The following P2RY14 variants were observed in gnomAD, a reference collection of about 807,000 sequenced individuals.
The protein encoded by P2RY14 is P2Y purinoceptor 14.
P2RY14 carries 2 observed loss-of-function variants against 0.9 expected under a neutral mutation model. The observed-to-expected ratio is 2.16, with a 90% CI of 0.88 to 6.79. The LOEUF is 6.79. Ranked by LOEUF, P2RY14 falls within the 30% of genes most tolerant of loss-of-function variation. The pLI is 0.05. For synonymous variants in P2RY14, 158 were observed against 147.2 expected (o/e 1.07, Z -0.53); for missense variants, 378 against 400.1 (o/e 0.94, Z 0.47).
chr3:151,217,281 T>C (rs1577000306), intron 2 of P2RY14, among the ~76,000 whole-genome samples: 1 of 152,322 alleles, frequency 6.6e-6, no homozygotes, highest in East Asian at 1.9e-4. Flanking sequence ...TATAAAATTA[T>C]TTTCTCAGAG....
At chr3:151,247,898 A>C (rs1272451085) in intron 1 of P2RY14, among the ~76,000 whole-genome samples, 1 of 147,808 alleles carries the variant, frequency 6.8e-6, no homozygotes, top group Non-Finnish European at 1.5e-5. Flanking sequence ...CTTATAATGT[A>C]TTCAGAAGAC....
chr3:151,276,380 AAC>A (rs1224254927), intron 1 of P2RY14, among the ~76,000 whole-genome samples: 1 of 152,226 alleles, frequency 6.6e-6, no homozygotes, highest in Non-Finnish European at 1.5e-5. Flanking sequence ...AATTAAAGGA[AAC>A]ACTCCTTATT....
chr3:151,265,659 T>A (rs1739688821), intron 1 of P2RY14, among the ~76,000 whole-genome samples: 2 of 152,194 alleles, frequency 1.3e-5, no homozygotes, highest in South Asian at 4.1e-4. Flanking sequence ...GAGTAGGTTT[T>A]AAAATGTTTC....
chr3:151,265,522 A>G (rs1368050414), intron 1 of P2RY14, among the ~76,000 whole-genome samples: 3 of 152,138 alleles, frequency 2.0e-5, no homozygotes, highest in Admixed American at 1.3e-4. Context: ...CACTGCCATC[A>G]TCCTCCCTAT....
rs1727345667 is a variant in P2RY14 at position 151,212,574 on chromosome 3, A to G, written c.*726T>C. 1 of 152,116 alleles carries G rather than the reference A, an allele frequency of 6.6e-6. No individual in the cohort carries two copies. The allele number at this position is 152,116 out of a possible 1,614,324, so 9.4% of individuals were successfully genotyped here. On this transcript the variant is annotated 3_prime_UTR_variant, in exon 3 of 3. Transcript: ENST00000309170. ...TATTTAGTTTCTCTCAGTAAAGCCT[A>G]CTTAAAAATATTCTAACACCAGAAC...
At chr3:151,232,838 A>C (rs1731971303) in intron 1 of P2RY14, among the ~76,000 whole-genome samples, 1 of 152,118 alleles carries the variant, frequency 6.6e-6, no homozygotes, top group African/African-American at 2.4e-5. Context: ...TGGGTACTAG[A>C]CTTAGTACCT....
Position 151,213,884 on chromosome 3 carries a change from C to T in P2RY14, c.433G>A (p.Val145Ile), listed in dbSNP as rs528781113. The change falls in exon 3 of 3, where the codon GTA becomes ATA. Residue 145 changes from valine (V) to isoleucine (I), a missense_variant. Physicochemically the swap from Val to Ile is conservative, Grantham distance 29. Coordinates refer to ENST00000309170, the MANE Select transcript of P2RY14 (RefSeq NM_014879.4). ...VSYSKLLSVI[V>I]WMLMLLLAVP... Reference sequence around the variant, plus strand: ...GCAAGGAGGAGCATGAGCATCCATACTATCACTGACAGAAGTTTGCTGTAA... The same window carrying T: ...GCAAGGAGGAGCATGAGCATCCATATTATCACTGACAGAAGTTTGCTGTAA... The T allele has an allele frequency of 8.9e-5, 143 of 1,614,002 alleles. 1 individual carries two copies. The South Asian group carries it at 1.4e-3, about 16-fold the overall frequency.
At chr3:151,246,074 G>GA (rs1358935869) in intron 1 of P2RY14, among the ~76,000 whole-genome samples, 1 of 151,776 alleles carries the variant, frequency 6.6e-6, no homozygotes, top group African/African-American at 2.4e-5. Flanking sequence ...GGATGTGAAG[G>GA]AACTCTTCAA....
At chr3:151,267,059 A>C (rs572416514) in intron 1 of P2RY14, among the ~76,000 whole-genome samples, 69 of 152,334 alleles carry the variant, frequency 4.5e-4, no homozygotes, top group Middle Eastern at 6.8e-3. Flanking sequence ...CTAATTTAAA[A>C]TTGTCTGGGC....
chr3:151,214,158 A>G lies in P2RY14; in HGVS notation c.159T>C (p.Ser53=). 5 of 1,614,202 alleles carry G rather than the reference A, an allele frequency of 3.1e-6. No homozygotes were observed. Among genetic ancestry groups the G allele is most frequent in the Non-Finnish European group, 4.2e-6 (5 of 1,180,016 alleles). The part of the protein sequence containing the change: ...SGWIFFYVPS[S]KSFIIYLKNI... ...TCTTGAGATAGATGATGAAACTCTT[A>G]GAGCTGGGCACGTAAAAGAATATCC... Residue 53 remains serine (S), a synonymous_variant, in exon 3 of 3, where the codon TCT becomes TCC. Transcript: ENST00000309170.
rs147636524 is a variant in P2RY14, at chr3:151,243,503, A to G, written c.-132-23861T>C. On this transcript the variant is annotated intron_variant, in intron 1 of 2. Coordinates refer to ENST00000309170, the MANE Select transcript of P2RY14 (RefSeq NM_014879.4). Reference sequence around the variant, plus strand: ...AAGAATTTTCAACCTGGAATTTCATATCCAGCGAAACTAAGCTTCATAAGC... The same window carrying G: ...AAGAATTTTCAACCTGGAATTTCATGTCCAGCGAAACTAAGCTTCATAAGC... Among the ~76,000 whole-genome samples the G allele has an allele frequency of 5.7e-3, 870 of 152,334 alleles. 12 individuals carry two copies. The highest frequency in any genetic ancestry group is 0.02 in the African/African-American group (828 of 41,570).
At chr3:151,219,024 C>G (rs962470987) in intron 2 of P2RY14, among the ~76,000 whole-genome samples, 3 of 152,038 alleles carry the variant, frequency 2.0e-5, no homozygotes, top group African/African-American at 7.2e-5. Context: ...TGTCTACTGT[C>G]ACTTTGGAGA....
chr3:151,242,109 G>T (rs1734254155), intron 1 of P2RY14, among the ~76,000 whole-genome samples: 1 of 152,216 alleles, frequency 6.6e-6, no homozygotes, highest in Admixed American at 6.5e-5. Context: ...CCCGCACCTG[G>T]CTCGGAGGGT....
At chr3:151,267,774 A>G (rs554839134) in intron 1 of P2RY14, among the ~76,000 whole-genome samples, 1 of 152,200 alleles carries the variant, frequency 6.6e-6, no homozygotes, top group East Asian at 1.9e-4. Context: ...TGGTGTAGAA[A>G]CTTAGGCACT....
At chr3:151,230,960 T>C (rs1037891893) in intron 1 of P2RY14, among the ~76,000 whole-genome samples, 1 of 152,154 alleles carries the variant, frequency 6.6e-6, no homozygotes, top group African/African-American at 2.4e-5. Flanking sequence ...AGTTGTGACA[T>C]CTTTTGATCA....
intron 1 of P2RY14, among the ~76,000 whole-genome samples, chr3:151,247,684 T>C (rs1051596288): frequency 6.8e-5 from 10 of 146,508 alleles, no homozygotes; most frequent in African/African-American, 2.0e-4. Flanking sequence ...GTGGGTGCAG[T>C]GCACCAGCAT....
intron 1 of P2RY14, among the ~76,000 whole-genome samples, chr3:151,255,405 C>T (rs747316521): frequency 2.7e-5 from 4 of 149,412 alleles, no homozygotes; most frequent in South Asian, 2.1e-4. Flanking sequence ...GTAGAGTAGA[C>T]GGAAAGTCCA....
chr3:151,229,120 A>G (rs1202154061), intron 1 of P2RY14, among the ~76,000 whole-genome samples: 1 of 152,206 alleles, frequency 6.6e-6, no homozygotes, highest in African/African-American at 2.4e-5. Context: ...ATATAGCCAA[A>G]GGAAAAGAAT....
intron 1 of P2RY14, among the ~76,000 whole-genome samples, chr3:151,255,654 G>A (rs1439130213): frequency 6.6e-6 from 1 of 152,110 alleles, no homozygotes; most frequent in African/African-American, 2.4e-5. Flanking sequence ...GAAACCTTTG[G>A]CCATCTTAAG....
Sources: gnomAD v4.1 joint callset for allele counts (sites outside exome capture counted in the v4.1 genomes callset) on GRCh38, gnomAD v4.1.1 for gene constraint, MANE v1.5 for transcripts, NCBI Gene and HGNC (gene_info 2026-07-23, HGNC 2026-07-21) for gene names.